Variants in RHBDD1 observed in about 807,000 individuals in gnomAD.
RHBDD1 encodes the protein rhomboid-related protein 4.
Under a neutral mutation model 36.3 loss-of-function variants are expected in RHBDD1, and 38 were observed. That is an observed-to-expected ratio of 1.05 (90% CI 0.81 to 1.37). RHBDD1 has a LOEUF of 1.37. RHBDD1 is among the 40% of genes most tolerant of loss of function. The pLI is 0.00. For missense variants in RHBDD1, 393 were observed against 377.6 expected (o/e 1.04, Z -0.34); for synonymous variants, 151 against 136.5 (o/e 1.11, Z -0.74).
At chr2:226,814,382 T>C in the RHBDD1 span, among the ~76,000 whole-genome samples, 1 of 152,234 alleles carries the variant, frequency 6.6e-6, no homozygotes, top group South Asian at 2.1e-4. Flanking sequence ...AAGAATAGAA[T>C]GTGATTAAAT....
chr2:226,815,758 G>C, the RHBDD1 span, among the ~76,000 whole-genome samples: 1 of 151,986 alleles, frequency 6.6e-6, no homozygotes, highest in African/African-American at 2.4e-5. Context: ...ATTTGTTTCT[G>C]GCAAAACTAA....
At chr2:226,910,919 C>G (rs1277396386) in intron 7 of RHBDD1, among the ~76,000 whole-genome samples, 1 of 152,094 alleles carries the variant, frequency 6.6e-6, no homozygotes, top group Non-Finnish European at 1.5e-5. Context: ...TTTAGCCACA[C>G]TGGTCTTTCT....
chr2:226,950,897 A>G (rs1377182140), intron 8 of RHBDD1, among the ~76,000 whole-genome samples: 1 of 152,156 alleles, frequency 6.6e-6, no homozygotes. Flanking sequence ...TGGTTTGCAG[A>G]CATGAAATTT....
intron 3 of RHBDD1, among the ~76,000 whole-genome samples, chr2:226,860,488 G>C (rs1256745066): frequency 3.3e-5 from 5 of 152,150 alleles, no homozygotes; most frequent in Non-Finnish European, 7.3e-5. Flanking sequence ...TTTATAGTCA[G>C]TGCTCACTTA....
intron 5 of RHBDD1, among the ~76,000 whole-genome samples, chr2:226,883,948 A>G (rs1356691072): frequency 6.6e-6 from 1 of 152,202 alleles, no homozygotes; most frequent in African/African-American, 2.4e-5. Context: ...TTTTCATTAC[A>G]AAAGTCATGA....
chr2:226,815,437 T>G, the RHBDD1 span, among the ~76,000 whole-genome samples: 3 of 152,230 alleles, frequency 2.0e-5, no homozygotes, highest in Non-Finnish European at 2.9e-5. Flanking sequence ...TTTTCTAAAA[T>G]AAAGATTAGC....
intron 8 of RHBDD1, among the ~76,000 whole-genome samples, chr2:226,925,665 G>T (rs1013170428): frequency 6.6e-6 from 1 of 152,142 alleles, no homozygotes; most frequent in Non-Finnish European, 1.5e-5. Flanking sequence ...TTATAAAGCT[G>T]CTTCCTTTGC....
At chr2:226,984,338 G>T (rs551861796) in intron 8 of RHBDD1, among the ~76,000 whole-genome samples, 1 of 152,198 alleles carries the variant, frequency 6.6e-6, no homozygotes, top group Non-Finnish European at 1.5e-5. Flanking sequence ...ATATGATCAG[G>T]TTATAGTGGG....
intron 8 of RHBDD1, among the ~76,000 whole-genome samples, chr2:226,957,310 A>G (rs1951850273): frequency 6.6e-6 from 1 of 152,232 alleles, no homozygotes; most frequent in Non-Finnish European, 1.5e-5. Context: ...GAAAATATAG[A>G]TGGACATCTT....
At chr2:226,852,901 T>TTTATTTTTA (rs1553543388) in intron 3 of RHBDD1, among the ~76,000 whole-genome samples, 2 of 125,204 alleles carry the variant, frequency 1.6e-5, no homozygotes, top group African/African-American at 6.5e-5. Flanking sequence ...ACCTGGCTAA[T>TTTATTTTTA]TTATTATTAT....
upstream of RHBDD1, among the ~76,000 whole-genome samples, chr2:226,834,873 T>C (rs1480139004): frequency 5.3e-5 from 8 of 152,008 alleles, no homozygotes. Flanking sequence ...GCCTCCCGGG[T>C]TCAAGGATTC....
Position 226,951,445 on chromosome 2 carries a change from A to G in RHBDD1, c.856+37094A>G, listed in dbSNP as rs556396065. On this transcript the variant is annotated intron_variant, in intron 8 of 8. Coordinates refer to ENST00000392062, the MANE Select transcript of RHBDD1 (RefSeq NM_001167608.3). ...CTGTTGAAGTGAAATTAGAAAATTT[A>G]GCAAATTAGAGTTTTGTTTGTAAAA... Among the ~76,000 whole-genome samples the G allele has an allele frequency of 2.0e-5, 3 of 152,310 alleles. No homozygotes were observed. In the East Asian group the frequency reaches 5.8e-4, roughly 29 times the overall value.
At chr2:226,881,560 A>G (rs1945740366) in intron 5 of RHBDD1, among the ~76,000 whole-genome samples, 1 of 152,168 alleles carries the variant, frequency 6.6e-6, no homozygotes, top group African/African-American at 2.4e-5. Flanking sequence ...CATTATTGGT[A>G]GGTCTTGGCT....
At chr2:226,979,723 C>A (rs950742339) in intron 8 of RHBDD1, among the ~76,000 whole-genome samples, 2 of 152,198 alleles carry the variant, frequency 1.3e-5, no homozygotes, top group African/African-American at 4.8e-5. Flanking sequence ...CTCTCTCAGT[C>A]GCCTGACTTG....
chr2:226,906,177 C>T (rs944854381), intron 5 of RHBDD1, among the ~76,000 whole-genome samples: 3 of 152,176 alleles, frequency 2.0e-5, no homozygotes, highest in Non-Finnish European at 2.9e-5. Flanking sequence ...CATGCCCTAA[C>T]GCAAACACTT....
chr2:226,919,726 C>T (rs1949172846), intron 8 of RHBDD1, among the ~76,000 whole-genome samples: 1 of 152,016 alleles, frequency 6.6e-6, no homozygotes, highest in African/African-American at 2.4e-5. Flanking sequence ...GTTATTATAG[C>T]TTTGTAGTAT....
Position 226,923,755 on chromosome 2 carries a change from A to G in RHBDD1, c.856+9404A>G, listed in dbSNP as rs142513185. Reference sequence around the variant, plus strand: ...TTTCAAATAGCCTGTCTTCAGGGTCATTAATTCTTTCTTCTGCTTGGTCAA... The same window carrying G: ...TTTCAAATAGCCTGTCTTCAGGGTCGTTAATTCTTTCTTCTGCTTGGTCAA... On this transcript the variant is annotated intron_variant, in intron 8 of 8. Transcript: ENST00000392062. 1.8e-3 allele frequency among the ~76,000 whole-genome samples: 277 copies of G among 152,070 alleles called. 2 individuals are homozygous for G. The highest frequency in any genetic ancestry group is 6.1e-3 in the African/African-American group (252 of 41,506).
At chr2:226,995,061 G>T (rs1959096238) in intron 8 of RHBDD1, among the ~76,000 whole-genome samples, 1 of 151,898 alleles carries the variant, frequency 6.6e-6, no homozygotes, top group African/African-American at 2.4e-5. Flanking sequence ...AGTTGGTGGG[G>T]AAGTTAGTAA....
intron 8 of RHBDD1, among the ~76,000 whole-genome samples, chr2:226,969,995 C>CA (rs934221329): frequency 5.1e-5 from 6 of 118,250 alleles, no homozygotes; most frequent in Non-Finnish European, 6.7e-5. Flanking sequence ...ACTGTCCCCC[C>CA]CCCCTTAATT....
Sources: gnomAD v4.1 joint callset for allele counts (sites outside exome capture counted in the v4.1 genomes callset) on GRCh38, gnomAD v4.1.1 for gene constraint, MANE v1.5 for transcripts, NCBI Gene and HGNC (gene_info 2026-07-23, HGNC 2026-07-21) for gene names.